Variants in FAM83B observed in about 807,000 individuals in gnomAD.
FAM83B encodes the protein protein FAM83B.
A neutral mutation model predicts 38.8 loss-of-function variants in FAM83B; 26 were observed. That is an observed-to-expected ratio of 0.67 (90% confidence interval 0.49 to 0.93). The LOEUF (loss-of-function observed/expected upper bound fraction) is 0.93, where lower values mean the gene tolerates loss of function less well. FAM83B is among the 40% of genes least tolerant of loss of function. The pLI, the probability that FAM83B is intolerant of heterozygous loss-of-function variation, is 0.00. For synonymous variants in FAM83B, 419 were observed against 423.1 expected (o/e 0.99, Z 0.12); for missense variants, 1,237 against 1,197.3 (o/e 1.03, Z -0.49).
chr6:54,927,433 A>G (rs1773319334), intron 3 of FAM83B, 75 bp from the exon 4 acceptor site: 1 of 1,231,116 alleles, frequency 8.1e-7, no homozygotes, highest in African/African-American at 1.5e-5. Flanking sequence ...AGATTCTATC[A>G]TGATATGGAT....
chr6:54,919,903 G>C (rs146833113), intron 2 of FAM83B, among the ~76,000 whole-genome samples: 2 of 151,924 alleles, frequency 1.3e-5, no homozygotes, highest in South Asian at 4.1e-4. Flanking sequence ...ATATTTAGAG[G>C]TGTGTGAGAC....
At chr6:54,899,915 A>G (rs1195009501) in intron 2 of FAM83B, among the ~76,000 whole-genome samples, 3 of 152,302 alleles carry the variant, frequency 2.0e-5, no homozygotes, top group African/African-American at 7.2e-5. Context: ...CCAGCAATGA[A>G]ATGACCCAGA....
At position 54,943,945 on chromosome 6, in the gene FAM83B, G is replaced by A. The variant is rs542395008; in HGVS notation, c.*1938G>A. On this transcript the variant is annotated 3_prime_UTR_variant, in exon 5 of 5. Coordinates refer to ENST00000306858, the MANE Select transcript of FAM83B (RefSeq NM_001010872.3). The stretch of plus-strand genomic sequence containing the variant: ...GCTTATAGAAACATCCTTTTAAATA[G>A]TTTGTGAGCTCTTCCTCTTCAGTGG... 3.3e-5 allele frequency: 5 copies of A among 152,250 alleles called. No homozygotes were observed. In the East Asian group the frequency reaches 7.7e-4, roughly 24 times the overall value. 9.4% of individuals were successfully genotyped at this position (152,250 alleles called of 1,614,324 possible). A position where few individuals can be genotyped will look rare whatever the true frequency, so the allele number is the denominator to read the frequency against.
chr6:54,869,914 A>G (rs1025765505), intron 1 of FAM83B, among the ~76,000 whole-genome samples: 1 of 152,144 alleles, frequency 6.6e-6, no homozygotes, highest in Non-Finnish European at 1.5e-5. Flanking sequence ...CTGGGTAGGC[A>G]TTGATTGTTT....
At chr6:54,847,160 C>T (rs1771158024) in intron 1 of FAM83B, among the ~76,000 whole-genome samples, 1 of 151,818 alleles carries the variant, frequency 6.6e-6, no homozygotes, top group Non-Finnish European at 1.5e-5. Context: ...GCATTTGTTT[C>T]CTCTTTTCCA....
intron 2 of FAM83B, among the ~76,000 whole-genome samples, chr6:54,893,750 C>G (rs1252059456): frequency 6.6e-6 from 1 of 151,990 alleles, no homozygotes; most frequent in African/African-American, 2.4e-5. Context: ...GGAAATGATT[C>G]TTTTTTTACA....
At chr6:54,893,388 G>A (rs2127580769) in intron 2 of FAM83B, among the ~76,000 whole-genome samples, 1 of 152,146 alleles carries the variant, frequency 6.6e-6, no homozygotes, top group East Asian at 1.9e-4. Flanking sequence ...ATAATTTTGT[G>A]TATTAGGGCA....
upstream of FAM83B, chr6:54,846,738 C>A (rs1294060976): frequency 6.6e-6 from 1 of 152,266 alleles, no homozygotes; most frequent in Admixed American, 6.5e-5. Flanking sequence ...CCCTCCCTGC[C>A]CGCGCCCAGG....
intron 2 of FAM83B, among the ~76,000 whole-genome samples, chr6:54,904,432 T>C (rs1459030837): frequency 1.3e-5 from 2 of 152,172 alleles, no homozygotes; most frequent in Admixed American, 6.6e-5. Flanking sequence ...CTAAACTAGA[T>C]CACTGCCTCC....
chr6:54,858,221 A>G (rs910606158), intron 1 of FAM83B, among the ~76,000 whole-genome samples: 6 of 152,218 alleles, frequency 3.9e-5, no homozygotes, highest in African/African-American at 1.4e-4. Flanking sequence ...AGTCTTCTGC[A>G]TATCTCAGCA....
intron 1 of FAM83B, among the ~76,000 whole-genome samples, chr6:54,869,496 C>T (rs1045696532): frequency 1.3e-5 from 2 of 149,440 alleles, no homozygotes; most frequent in Admixed American, 1.3e-4. Flanking sequence ...TAATTTTTTT[C>T]TTCCTTCATA....
intron 1 of FAM83B, among the ~76,000 whole-genome samples, chr6:54,869,970 A>G (rs927399381): frequency 6.6e-6 from 1 of 152,164 alleles, no homozygotes; most frequent in Non-Finnish European, 1.5e-5. Context: ...GAAAAGGAAA[A>G]TCCAACAGCA....
intron 2 of FAM83B, among the ~76,000 whole-genome samples, chr6:54,919,997 TAGA>T (rs1773134660): frequency 6.6e-6 from 1 of 151,992 alleles, no homozygotes; most frequent in Non-Finnish European, 1.5e-5. Flanking sequence ...GCAGTTAAGA[TAGA>T]TTCTTAAATA....
rs549511954 is a variant in FAM83B, at chr6:54,942,795, C to G, written c.*788C>G. On this transcript the variant is annotated 3_prime_UTR_variant, in exon 5 of 5. Transcript: ENST00000306858. ...GAATTTAGAAAATCTGAATGATTCCCCCTCCTTTTTCTATTGTATAAAAGC... is the reference window on the plus strand; with the variant it reads ...GAATTTAGAAAATCTGAATGATTCCGCCTCCTTTTTCTATTGTATAAAAGC... 1.3e-5 allele frequency among the ~76,000 whole-genome samples: 2 copies of G among 151,464 alleles called. No homozygotes were observed. The highest frequency in any genetic ancestry group is 6.6e-5 in the Admixed American group (1 of 15,200).
At chr6:54,865,001 A>G (rs35355591) in intron 1 of FAM83B, among the ~76,000 whole-genome samples, 2,446 of 152,368 alleles carry the variant, frequency 0.016, 33 homozygotes, top group Middle Eastern at 0.082. Flanking sequence ...TTTAAGCTGC[A>G]AAAACCAATC....
intron 1 of FAM83B, among the ~76,000 whole-genome samples, chr6:54,852,401 T>C (rs1259062771): frequency 6.6e-6 from 1 of 152,180 alleles, no homozygotes; most frequent in Non-Finnish European, 1.5e-5. Context: ...GTTACTCTTG[T>C]AATTTTTTGG....
chr6:54,881,836 C>T (rs1227705661), intron 2 of FAM83B, among the ~76,000 whole-genome samples: 8 of 152,156 alleles, frequency 5.3e-5, no homozygotes, highest in Non-Finnish European at 1.2e-4. Flanking sequence ...CATATGTATA[C>T]ATGTGCCATG....
chr6:54,878,125 C>T (rs181819965), intron 2 of FAM83B, among the ~76,000 whole-genome samples: 1 of 152,186 alleles, frequency 6.6e-6, no homozygotes, highest in South Asian at 2.1e-4. Flanking sequence ...AAAGGAGAAT[C>T]AGGTAATGAA....
At chr6:54,856,906 C>T (rs906123377) in intron 1 of FAM83B, among the ~76,000 whole-genome samples, 5 of 152,030 alleles carry the variant, frequency 3.3e-5, no homozygotes, top group Non-Finnish European at 7.4e-5. Flanking sequence ...AAAAGCTTTC[C>T]AGGCTAGATA....
Sources: gnomAD v4.1 joint callset for allele counts (sites outside exome capture counted in the v4.1 genomes callset) on GRCh38, gnomAD v4.1.1 for gene constraint, MANE v1.5 for transcripts, NCBI Gene and HGNC (gene_info 2026-07-23, HGNC 2026-07-21) for gene names.